Variants in NYAP2 observed in about 807,000 individuals in gnomAD.
NYAP2 encodes the protein neuronal tyrosine-phosphorylated phosphoinositide-3-kinase adapter 2.
A neutral mutation model predicts 50.4 loss-of-function variants in NYAP2; 23 were observed. That is an observed-to-expected ratio of 0.46 (90% CI 0.33 to 0.65). The LOEUF (loss-of-function observed/expected upper bound fraction) is 0.65. NYAP2 is among the 30% of genes least tolerant of loss of function. The pLI is 0.02. For synonymous variants in NYAP2, 394 were observed against 365.2 expected, an observed-to-expected ratio of 1.08 and a Z score of -0.90; for missense variants, 885 against 861.0, an observed-to-expected ratio of 1.03 and a Z score of -0.35.
chr2:225,602,238 G>A (rs1341170719), intron 5 of NYAP2, among the ~76,000 whole-genome samples: 3 of 152,152 alleles, frequency 2.0e-5, no homozygotes, highest in Non-Finnish European at 4.4e-5. Context: ...GACCAATCAG[G>A]GGCTGAAGTG....
chr2:225,529,478 A>G lies in NYAP2; in HGVS notation c.523+15806A>G, dbSNP rs377234073. On this transcript the variant is annotated intron_variant, in intron 4 of 6. Coordinates refer to ENST00000636099, the Ensembl canonical transcript of NYAP2. ...GTAGCTGGCATTACAGACATGAGCCACCACGTCCAACTAATTTTTTATTTT... is the reference window on the plus strand; with the variant it reads ...GTAGCTGGCATTACAGACATGAGCCGCCACGTCCAACTAATTTTTTATTTT... 6.6e-4 allele frequency among the ~76,000 whole-genome samples: 100 copies of G among 152,062 alleles called. No individual in the cohort carries two copies. In the South Asian group the frequency reaches 0.021, roughly 32 times the overall value.
Position 225,583,108 on chromosome 2 carries a change from G to A in NYAP2, c.1618+73G>A. 5 of 1,514,212 alleles carry A rather than the reference G, an allele frequency of 3.3e-6. No individual in the cohort carries two copies. In the Middle Eastern group the frequency reaches 6.7e-4, roughly 203 times the overall value. The allele number at this position is 1,514,212 out of a possible 1,614,324, so 93.8% of individuals were successfully genotyped here. Reference sequence around the variant, plus strand: ...ACAACCAGGGTGAAGCCCATTGTGTGCAGATAACGCACAGAGTACGGGGTC... The same window carrying A: ...ACAACCAGGGTGAAGCCCATTGTGTACAGATAACGCACAGAGTACGGGGTC... On this transcript the variant is annotated intron_variant, in intron 5 of 6. Transcript: ENST00000636099.
intron 4 of NYAP2, among the ~76,000 whole-genome samples, chr2:225,529,454 T>C (rs1338618828): frequency 1.3e-5 from 2 of 151,780 alleles, no homozygotes; most frequent in African/African-American, 4.8e-5. Context: ...GCCCCCCGAG[T>C]AGCTGGCATT....
chr2:225,647,105 GA>G (rs1157323860), intron 6 of NYAP2, among the ~76,000 whole-genome samples: 1 of 151,678 alleles, frequency 6.6e-6, no homozygotes, highest in African/African-American at 2.4e-5. Context: ...ACATAAACTG[GA>G]AAAAATCTCT....
intron 4 of NYAP2, among the ~76,000 whole-genome samples, chr2:225,581,603 A>G (rs1692268852): frequency 6.6e-6 from 1 of 152,158 alleles, no homozygotes. Context: ...CATGCAGGTT[A>G]ATTTTCACAA....
intron 4 of NYAP2, among the ~76,000 whole-genome samples, chr2:225,561,231 G>A (rs1388333884): frequency 2.0e-5 from 3 of 152,086 alleles, no homozygotes; most frequent in Admixed American, 1.3e-4. Context: ...CCTCAGTGAT[G>A]AGGTGATATT....
chr2:225,585,366 G>GA (rs992962846), intron 5 of NYAP2, among the ~76,000 whole-genome samples: 7 of 150,838 alleles, frequency 4.6e-5, no homozygotes, highest in South Asian at 2.1e-4. Context: ...CAATTAACTA[G>GA]AAAAAAAAAG....
intron 3 of NYAP2, among the ~76,000 whole-genome samples, chr2:225,454,976 A>G (rs966480207): frequency 1.3e-5 from 2 of 152,152 alleles, no homozygotes; most frequent in African/African-American, 4.8e-5. Flanking sequence ...TTAAATGGGA[A>G]AGAGGGAGGC....
At chr2:225,597,531 G>GTATATATATATATATATA (rs1692626293) in intron 5 of NYAP2, among the ~76,000 whole-genome samples, 1 of 28,152 alleles carries the variant, frequency 3.6e-5, no homozygotes, top group African/African-American at 9.5e-5. Context: ...ATATATATAT[G>GTATATATATATATATATA]TATCACAATT....
intron 5 of NYAP2, among the ~76,000 whole-genome samples, chr2:225,606,124 C>T (rs2106244635): frequency 6.6e-6 from 1 of 152,186 alleles, no homozygotes; most frequent in South Asian, 2.1e-4. Flanking sequence ...TCCTCATTTA[C>T]AGTTAAGCAA....
rs570526004 is a variant in NYAP2, at chr2:225,525,193, A to G, written c.523+11521A>G. 1.8e-4 allele frequency among the ~76,000 whole-genome samples: 27 copies of G among 152,322 alleles called. No homozygotes were observed. The South Asian group carries it at 4.1e-3, about 23-fold the overall frequency. ...TATGGGCATTTCTTAAAGAAGTAAA[A>G]CTAGAACTGCCGTTTGATGCTGCAA... On this transcript the variant is annotated intron_variant, in intron 4 of 6. Transcript: ENST00000636099.
At chr2:225,616,594 A>G (rs1574711083) in intron 5 of NYAP2, among the ~76,000 whole-genome samples, 1 of 152,184 alleles carries the variant, frequency 6.6e-6, no homozygotes. Context: ...ACCAACAACT[A>G]ACCAATGGTG....
chr2:225,653,655 A>G (rs1473034026), exon 7 of NYAP2: 3 of 152,184 alleles, frequency 2.0e-5, no homozygotes, highest in Non-Finnish European at 4.4e-5. Context: ...TACTCTAGAG[A>G]TGAAGTGGTA....
At chr2:225,671,799 T>A in the NYAP2 span, among the ~76,000 whole-genome samples, 1 of 152,188 alleles carries the variant, frequency 6.6e-6, no homozygotes, top group Non-Finnish European at 1.5e-5. Flanking sequence ...TTAGAATGAA[T>A]GTTATCTTAG....
rs10933099 is a variant in NYAP2, at chr2:225,558,992, C to G, written c.524-22949C>G. Among the ~76,000 whole-genome samples the G allele has an allele frequency of 2.9e-3, 447 of 152,128 alleles. 16 individuals carry two copies. The East Asian group carries it at 0.078, about 27-fold the overall frequency. On this transcript the variant is annotated intron_variant, in intron 4 of 6. Transcript: ENST00000636099. The stretch of plus-strand genomic sequence containing the variant: ...CTTTGGGTAACTGGAGTTTTAGTCA[C>G]TCCTTGAGGATATTTTATGACAACC...
chr2:225,466,178 A>T (rs976912793), intron 3 of NYAP2, among the ~76,000 whole-genome samples: 7 of 152,156 alleles, frequency 4.6e-5, no homozygotes, highest in African/African-American at 1.7e-4. Context: ...TGAATATACT[A>T]TTTCTCCAAA....
chr2:225,403,030 A>T (rs568759901), intron 2 of NYAP2, among the ~76,000 whole-genome samples: 1 of 152,030 alleles, frequency 6.6e-6, no homozygotes, highest in Non-Finnish European at 1.5e-5. Context: ...TTACATTTTC[A>T]TACACAATGT....
chr2:225,456,441 G>T (rs1574624191), intron 3 of NYAP2, among the ~76,000 whole-genome samples: 2 of 152,264 alleles, frequency 1.3e-5, no homozygotes, highest in Non-Finnish European at 2.9e-5. Context: ...TTCTGTAAGA[G>T]TTGAAGAAGG....
chr2:225,535,308 T>G (rs575809935), intron 4 of NYAP2, among the ~76,000 whole-genome samples: 26 of 152,154 alleles, frequency 1.7e-4, no homozygotes, highest in Non-Finnish European at 3.5e-4. Context: ...CCTATTTCCT[T>G]TGTCACAAGC....
Sources: allele counts gnomAD v4.1 joint callset (sites outside exome capture counted in the v4.1 genomes callset), GRCh38; gene constraint gnomAD v4.1.1; transcripts MANE v1.5; gene names NCBI Gene and HGNC (gene_info 2026-07-23, HGNC 2026-07-21).